MCM3AP: variants seen among roughly 807,000 people sequenced by gnomAD.
MCM3AP encodes the protein minichromosome maintenance complex component 3 associated protein.
Under a neutral mutation model 184.1 loss-of-function variants are expected in MCM3AP, and 126 were observed. The observed-to-expected ratio is 0.68, with a 90% CI of 0.59 to 0.79. The LOEUF is 0.79. MCM3AP is among the 30% of genes least tolerant of loss of function. The pLI, the probability that MCM3AP is intolerant of heterozygous loss-of-function variation, is 0.00. For synonymous variants in MCM3AP, 1,002 were observed against 979.3 expected, an observed-to-expected ratio of 1.02 and a Z score of -0.43; for missense variants, 2,496 against 2,479.2, an observed-to-expected ratio of 1.01 and a Z score of -0.14.
chr21:46,282,896 G>T (rs951799705), intron 2 of MCM3AP, among the ~76,000 whole-genome samples: 1 of 152,096 alleles, frequency 6.6e-6, no homozygotes, highest in Admixed American at 6.5e-5. Flanking sequence ...TATCTCTAGA[G>T]GACAGACTGA....
chr21:46,280,127 C>T lies in MCM3AP; in HGVS notation c.1533G>A (p.Lys511=). 1 of 1,614,140 alleles carries T rather than the reference C, an allele frequency of 6.2e-7. No individual in the cohort carries two copies. The highest frequency in any genetic ancestry group is 1.1e-5 in the South Asian group (1 of 91,070). ...TCTTCTCCTTCAGGGAAAAGGGTTT[C>T]TTATTGGGGCCTGTGGACATAGGAG... is the stretch of plus-strand genomic sequence containing the variant. ...FWHRKKISPN[K]KPFSLKEKKP... is the part of the protein sequence containing the mutation. Residue 511 remains lysine, a synonymous_variant, in exon 4 of 28, where the codon AAG becomes AAA. Coordinates refer to ENST00000291688, the MANE Select transcript of MCM3AP (RefSeq NM_003906.5).
At chr21:46,236,000 G>A (rs2080517274) in intron 27 of MCM3AP, among the ~76,000 whole-genome samples, 1 of 152,190 alleles carries the variant, frequency 6.6e-6, no homozygotes, top group African/African-American at 2.4e-5. Flanking sequence ...TGTTATAATT[G>A]TTTAATCAGA....
In MCM3AP at chr21:46,261,040, C is replaced by T; in HGVS notation, c.3468-134G>A. On this transcript the variant is annotated intron_variant, in intron 14 of 27. Transcript: ENST00000291688. ...TCGGTAGGCCACCCCTACTCCAGCT[C>T]CCCTGACACCACCTCCCTTCCCCTG... 5.0e-5 allele frequency: 41 copies of T among 819,538 alleles called. 1 individual carries two copies. In the South Asian group the frequency reaches 6.3e-4, roughly 13 times the overall value. 50.8% of individuals were successfully genotyped at this position (819,538 alleles called of 1,614,324 possible).
intron 24 of MCM3AP, 53 bp from the exon 25 acceptor site, chr21:46,242,984 TCAA>T: frequency 1.7e-6 from 2 of 1,191,264 alleles, no homozygotes; most frequent in South Asian, 1.8e-5. Flanking sequence ...CAACCCTGTC[TCAA>T]AAAAAAAAAA....
Position 46,282,094 on chromosome 21 carries a change from G to A in MCM3AP, c.1444-1519C>T, listed in dbSNP as rs554459328. 9.2e-5 allele frequency among the ~76,000 whole-genome samples: 14 copies of A among 152,186 alleles called. No individual in the cohort carries two copies. In the South Asian group the frequency reaches 1.5e-3, roughly 16 times the overall value. ...AAGGCAGGAGGACAGCTTGAGGACC[G>A]GAGTTCGAGACCTGCCTGAGCAACA... On this transcript the variant is annotated intron_variant, in intron 2 of 27. Transcript: ENST00000291688.
chr21:46,239,622 A>G (rs906636209), intron 26 of MCM3AP, among the ~76,000 whole-genome samples: 11 of 152,220 alleles, frequency 7.2e-5, no homozygotes, highest in African/African-American at 2.7e-4. Flanking sequence ...CCAGACATCC[A>G]ATAGGTGTCT....
chr21:46,271,734 G>C (rs912170402), intron 8 of MCM3AP, among the ~76,000 whole-genome samples: 1 of 151,830 alleles, frequency 6.6e-6, no homozygotes, highest in African/African-American at 2.4e-5. Context: ...GGTGGTATGT[G>C]CCTGTAATCC....
rs2080746335 is a variant in MCM3AP at position 46,245,258 on chromosome 21, G to C, written c.4648-61C>G. 6 of 1,506,792 alleles carry C rather than the reference G, an allele frequency of 4.0e-6. No individual in the cohort carries two copies. In the Admixed American group the frequency reaches 1.0e-4, roughly 26 times the overall value. The allele number at this position is 1,506,792 out of a possible 1,614,324, so 93.3% of individuals were successfully genotyped here. A position where few individuals can be genotyped will look rare whatever the true frequency, so the allele number is the denominator to read the frequency against. ...CACTGTTTTTCAAAAACAGCTTTCTGAAAGGGCTTGATCCCCCAAGGTTGC... is the reference window on the plus strand; with the variant it reads ...CACTGTTTTTCAAAAACAGCTTTCTCAAAGGGCTTGATCCCCCAAGGTTGC... On this transcript the variant is annotated intron_variant, in intron 22 of 27. Transcript: ENST00000291688.
At chr21:46,242,571 T>C in intron 25 of MCM3AP, 5 of 330,914 alleles carry the variant, frequency 1.5e-5, no homozygotes, top group Non-Finnish European at 2.2e-5. Flanking sequence ...TCAGCTGTAC[T>C]CTCCTGGTTA....
intron 20 of MCM3AP, 101 bp downstream of exon 20, chr21:46,251,428 C>A: frequency 1.0e-6 from 1 of 979,250 alleles, no homozygotes; most frequent in Non-Finnish European, 1.5e-6. Flanking sequence ...CTTTCAAAAC[C>A]ACATTAGGGA....
intron 19 of MCM3AP, chr21:46,253,604 A>G (rs1233839765): frequency 6.6e-6 from 1 of 150,716 alleles, no homozygotes; most frequent in East Asian, 2.0e-4. Context: ...CTCTCACGAG[A>G]TCTGGTTAAG....
intron 1 of MCM3AP, 78 bp from the exon 2 acceptor site, chr21:46,283,916 G>A (rs1201526026): frequency 1.7e-5 from 26 of 1,546,776 alleles, no homozygotes; most frequent in Non-Finnish European, 2.2e-5. Context: ...CGAAGCAGAG[G>A]AAATTTTCAG....
chr21:46,284,256 T>A lies in MCM3AP; in HGVS notation c.1031A>T (p.Asp344Val), dbSNP rs2081371000. 1 of 1,614,206 alleles carries A rather than the reference T, an allele frequency of 6.2e-7. No individual in the cohort carries two copies. Among genetic ancestry groups the A allele is most frequent in the Non-Finnish European group, 8.5e-7 (1 of 1,180,038 alleles). ...GGTLFGRTIQ[D>V]VFKSNKEVGR... ...TACTTCCTTATTGCTTTTGAAAACA[T>A]CCTGTATCGTCCGACCAAATAAAGT... is the stretch of plus-strand genomic sequence containing the variant. The change falls in exon 1 of 28, where the codon GAT (aspartate) becomes GTT (valine). Residue 344 changes from aspartate to valine, a missense_variant. By Grantham distance (152) the Asp-to-Val change is radical (BLOSUM62 -3). Transcript: ENST00000291688.
chr21:46,246,796 G>T lies in MCM3AP; in HGVS notation c.4381C>A (p.Pro1461Thr), dbSNP rs756156237. The stretch of plus-strand genomic sequence containing the variant: ...ATGTCCTCACTCTTCATTTTGGGGG[G>T]AAGCAGCAGCATGAGCCCACTGGCT... The part of the protein sequence containing the change: ...LGASGLMLLL[P>T]PKMKSEDMAE... The change falls in exon 21 of 28, where the codon CCC becomes ACC. Residue 1461 changes from proline (P) to threonine (T), a missense_variant. Physicochemically the swap from Pro to Thr is conservative, Grantham distance 38. Around this residue, in one of 5 missense-constraint regions of MCM3AP, gnomAD observed 1,323 missense variants for 1,273.4 expected, o/e 1.04. Transcript: ENST00000291688. The T allele has an allele frequency of 5.0e-6, 8 of 1,614,086 alleles. No homozygotes were observed. Among genetic ancestry groups the T allele is most frequent in the Non-Finnish European group, 6.8e-6 (8 of 1,180,052 alleles).
intron 16 of MCM3AP, among the ~76,000 whole-genome samples, chr21:46,258,525 A>G (rs1601514879): frequency 6.6e-6 from 1 of 152,144 alleles, no homozygotes; most frequent in Non-Finnish European, 1.5e-5. Context: ...AATATACACT[A>G]TTTGTATATT....
intron 16 of MCM3AP, among the ~76,000 whole-genome samples, chr21:46,257,868 T>G (rs1336764007): frequency 1.4e-5 from 2 of 145,004 alleles, no homozygotes; most frequent in Non-Finnish European, 3.0e-5. Context: ...GAGGTTGCAG[T>G]GAGCTGTGAT....
At chr21:46,260,453 T>C (rs1357081639) in intron 15 of MCM3AP, among the ~76,000 whole-genome samples, 1 of 152,102 alleles carries the variant, frequency 6.6e-6, no homozygotes, top group East Asian at 1.9e-4. Context: ...ATTTGTAAAT[T>C]ACCATGCAGA....
In MCM3AP at chr21:46,243,663, G is replaced by A. The variant is rs568649385; in HGVS notation, c.5098C>T (p.Arg1700Cys). 61 of 1,614,230 alleles carry A rather than the reference G, an allele frequency of 3.8e-5. No homozygotes were observed. Among genetic ancestry groups the A allele is most frequent in the African/African-American group, 3.1e-4 (23 of 75,078 alleles). Residue 1700 changes from arginine (R) to cysteine (C), a missense_variant, in exon 24 of 28, where the codon CGC (arginine) becomes TGC (cysteine). Coordinates refer to ENST00000291688, the MANE Select transcript of MCM3AP (RefSeq NM_003906.5). ...GACTGGAGGACAGGCTGTGTCTGGCGTGAGCTGGGGATCTGGGAGGCGTAC... is the reference window on the plus strand; with the variant it reads ...GACTGGAGGACAGGCTGTGTCTGGCATGAGCTGGGGATCTGGGAGGCGTAC... ...VQYASQIPSS[R>C]QTQPVLQSQV...
In MCM3AP at chr21:46,254,811, C is replaced by T. The variant is rs762207826; in HGVS notation, c.3966G>A (p.Gln1322=). The T allele has an allele frequency of 1.9e-6, 3 of 1,614,146 alleles. No individual in the cohort carries two copies. Among genetic ancestry groups the T allele is most frequent in the East Asian group, 4.5e-5 (2 of 44,884 alleles). Residue 1322 remains glutamine, a synonymous_variant, in exon 18 of 28, where the codon CAG becomes CAA. Coordinates refer to ENST00000291688, the MANE Select transcript of MCM3AP (RefSeq NM_003906.5). The part of the protein sequence containing the change: ...LRRLRNKTAH[Q]MKVQHFYQQL... Reference sequence around the variant, plus strand: ...GCTGGTAGAAGTGCTGAACCTTCATCTGGTGAGCTGTCTTGTTTCTGAGCC... The same window carrying T: ...GCTGGTAGAAGTGCTGAACCTTCATTTGGTGAGCTGTCTTGTTTCTGAGCC...
Sources: gnomAD v4.1 joint callset for allele counts (sites outside exome capture counted in the v4.1 genomes callset) on GRCh38, gnomAD v4.1.1 for gene constraint, gnomAD v4.1.1 regional missense constraint, MANE v1.5 for transcripts, NCBI Gene and HGNC (gene_info 2026-07-23, HGNC 2026-07-21) for gene names.